The following NR5A2 variants were observed in gnomAD, a reference collection of about 807,000 sequenced individuals.
NR5A2 encodes nuclear receptor subfamily 5 group A member 2, also known as CYP7A promoter-binding factor.
In NR5A2, 26 loss-of-function variants were observed where a neutral mutation model predicts 62.7. The ratio of observed to expected loss-of-function variants is 0.41; its 90% CI spans 0.30 to 0.58. NR5A2 has a LOEUF of 0.58. Among genes scored for constraint, NR5A2 ranks in the 20% least tolerant of loss-of-function variants. NR5A2 has a pLI of 0.22. For missense variants in NR5A2, 541 were observed against 669.1 expected (o/e 0.81, Z 2.11); for synonymous variants, 246 against 241.7 (o/e 1.02, Z -0.16).
At chr1:200,101,004 G>A (rs1219197163) in intron 5 of NR5A2, among the ~76,000 whole-genome samples, 2 of 152,010 alleles carry the variant, frequency 1.3e-5, no homozygotes, top group South Asian at 2.1e-4. Context: ...TTATCCTCAT[G>A]TCTTCATTTA....
intron 5 of NR5A2, among the ~76,000 whole-genome samples, chr1:200,073,083 G>T (rs1246397259): frequency 6.6e-6 from 1 of 151,556 alleles, no homozygotes; most frequent in Non-Finnish European, 1.5e-5. Flanking sequence ...TAACTTATTT[G>T]GTTACTATTA....
intron 7 of NR5A2, among the ~76,000 whole-genome samples, chr1:200,134,660 T>C (rs1667136807): frequency 6.6e-6 from 1 of 152,232 alleles, no homozygotes. Context: ...ATAGCACACC[T>C]GAAATAATCC....
intron 5 of NR5A2, among the ~76,000 whole-genome samples, chr1:200,070,227 G>A (rs1455546001): frequency 6.6e-6 from 1 of 152,028 alleles, no homozygotes; most frequent in Non-Finnish European, 1.5e-5. Context: ...GGATGGCAGA[G>A]CCCCTTTGTG....
At chr1:200,033,810 C>T (rs866122013) in intron 1 of NR5A2, among the ~76,000 whole-genome samples, 1 of 152,210 alleles carries the variant, frequency 6.6e-6, no homozygotes, top group Non-Finnish European at 1.5e-5. Context: ...AGTTCCACGC[C>T]CCATGCTTGA....
At chr1:200,112,629 A>AG (rs1340643451) in intron 6 of NR5A2, among the ~76,000 whole-genome samples, 3 of 152,258 alleles carry the variant, frequency 2.0e-5, no homozygotes, top group African/African-American at 7.2e-5. Flanking sequence ...GGTCAATTCA[A>AG]GCATCTCCAT....
In NR5A2 at chr1:200,111,495, T is replaced by C. The variant is rs1665956488; in HGVS notation, c.1230+174T>C. ...CTGTTCCTGCTCTGATTATTATAGTTAAACTTGTAAAAGCAAACATAATCA... is the reference window on the plus strand; with the variant it reads ...CTGTTCCTGCTCTGATTATTATAGTCAAACTTGTAAAAGCAAACATAATCA... On this transcript the variant is annotated intron_variant, in intron 6 of 7. Coordinates refer to ENST00000367362, the MANE Select transcript of NR5A2 (RefSeq NM_205860.3). 2.6e-5 allele frequency among the ~76,000 whole-genome samples: 4 copies of C among 152,204 alleles called. No homozygotes were observed. The South Asian group carries it at 8.3e-4, about 32-fold the overall frequency.
chr1:200,078,367 G>A (rs901495802), intron 5 of NR5A2, among the ~76,000 whole-genome samples: 11 of 152,136 alleles, frequency 7.2e-5, no homozygotes, highest in African/African-American at 2.2e-4. Flanking sequence ...GTCTCAACCA[G>A]TGAATCAAGA....
intron 5 of NR5A2, among the ~76,000 whole-genome samples, chr1:200,083,967 A>ATAAT (rs1553269768): frequency 7.0e-6 from 1 of 142,724 alleles, no homozygotes; most frequent in Non-Finnish European, 1.5e-5. Context: ...CTCCATCTCA[A>ATAAT]AATAATAATA....
At chr1:200,088,884 C>G (rs753868673) in intron 5 of NR5A2, among the ~76,000 whole-genome samples, 1 of 152,208 alleles carries the variant, frequency 6.6e-6, no homozygotes, top group Non-Finnish European at 1.5e-5. Context: ...TCCTCTCTCC[C>G]CATTTTAATC....
intron 7 of NR5A2, among the ~76,000 whole-genome samples, chr1:200,168,209 ACT>A (rs1558180517): frequency 6.6e-5 from 9 of 136,558 alleles, no homozygotes; most frequent in East Asian, 2.1e-4. Flanking sequence ...CTTTATATCT[ACT>A]TTTTTTTTTT....
In NR5A2 at chr1:200,043,877, C is replaced by T. The variant is rs771398338; in HGVS notation, c.306C>T (p.Thr102=). Residue 102 remains threonine, a synonymous_variant, in exon 3 of 8, where the codon ACC becomes ACT. Coordinates refer to ENST00000367362, the MANE Select transcript of NR5A2 (RefSeq NM_205860.3). ...KVSGYHYGLL[T]CESCKGFFKR... is the part of the protein sequence containing the mutation. ...CTGGGTACCATTATGGGCTCCTCACCTGTGAAAGCTGCAAGGTTTGCTCAC... is the reference window on the plus strand; with the variant it reads ...CTGGGTACCATTATGGGCTCCTCACTTGTGAAAGCTGCAAGGTTTGCTCAC... The T allele has an allele frequency of 4.3e-6, 7 of 1,609,864 alleles. No homozygotes were observed. The highest frequency in any genetic ancestry group is 2.2e-5 in the East Asian group (1 of 44,830).
At chr1:200,038,922 G>A in intron 1 of NR5A2, 1 of 399,232 alleles carries the variant, frequency 2.5e-6, no homozygotes, top group Non-Finnish European at 4.3e-6. Context: ...CCTGAGTCCG[G>A]AACCCGCGTC....
chr1:200,145,555 A>T (rs1010997971), intron 7 of NR5A2, among the ~76,000 whole-genome samples: 2 of 152,020 alleles, frequency 1.3e-5, no homozygotes, highest in Non-Finnish European at 2.9e-5. Context: ...GAGAATCCAC[A>T]TAAAATATGA....
At chr1:200,042,912 G>A in intron 2 of NR5A2, 1 of 985,496 alleles carries the variant, frequency 1.0e-6, no homozygotes, top group Non-Finnish European at 1.2e-6. Flanking sequence ...AGTGAGCCGC[G>A]CCGCGCGTCG....
intron 5 of NR5A2, among the ~76,000 whole-genome samples, chr1:200,093,135 A>T (rs139765564): frequency 5.9e-5 from 9 of 151,910 alleles, no homozygotes; most frequent in African/African-American, 1.9e-4. Context: ...TGAACACCTG[A>T]CCTTGTGATC....
intron 7 of NR5A2, among the ~76,000 whole-genome samples, chr1:200,139,972 T>G (rs889145007): frequency 2.6e-5 from 4 of 152,250 alleles, no homozygotes; most frequent in Non-Finnish European, 5.9e-5. Flanking sequence ...CGAGATTTAT[T>G]TCACAATGGG....
chr1:200,067,226 C>T (rs935843527), intron 5 of NR5A2, among the ~76,000 whole-genome samples: 1 of 151,876 alleles, frequency 6.6e-6, no homozygotes, highest in African/African-American at 2.4e-5. Flanking sequence ...CAAAGGAACA[C>T]AGGAACAGAA....
intron 5 of NR5A2, among the ~76,000 whole-genome samples, chr1:200,062,227 T>TTGTGTG (rs6143563): frequency 0.032 from 4,679 of 145,688 alleles, 172 homozygotes; most frequent in African/African-American, 0.089. Context: ...CTGGCAGATT[T>TTGTGTG]TGTGTGTGTG....
chr1:200,076,336 G>A (rs574110497), intron 5 of NR5A2, among the ~76,000 whole-genome samples: 1 of 152,256 alleles, frequency 6.6e-6, no homozygotes, highest in African/African-American at 2.4e-5. Context: ...TGTGGGAGTC[G>A]GAAACAGATG....
Sources: allele counts gnomAD v4.1 joint callset (sites outside exome capture counted in the v4.1 genomes callset), GRCh38; gene constraint gnomAD v4.1.1; transcripts MANE v1.5; gene names NCBI Gene and HGNC (gene_info 2026-07-23, HGNC 2026-07-21).